The following MAMDC2 variants were observed in gnomAD, a reference collection of about 807,000 sequenced individuals.
MAMDC2 encodes the protein MAM domain containing 2, also known as MAM domain-containing protein 2.
Under a neutral mutation model 89.8 loss-of-function variants are expected in MAMDC2, and 57 were observed. The ratio of observed to expected loss-of-function variants is 0.63; its 90% CI spans 0.51 to 0.79. The LOEUF is 0.79. Ranked by LOEUF, MAMDC2 falls within the 30% of genes least tolerant of loss-of-function variation. MAMDC2 has a pLI of 0.00. For missense variants in MAMDC2, 800 were observed against 820.6 expected (o/e 0.97, Z 0.31); for synonymous variants, 313 against 293.4 (o/e 1.07, Z -0.68).
At chr9:70,157,535 T>TGAGTCC (rs1554676691) in intron 9 of MAMDC2, 1 of 152,658 alleles carries the variant, frequency 6.6e-6, no homozygotes, top group Non-Finnish European at 1.5e-5. Flanking sequence ...CTCTCTCCAG[T>TGAGTCC]GAGTCCACAA....
At chr9:70,211,047 C>T (rs2033344960) in intron 11 of MAMDC2, among the ~76,000 whole-genome samples, 2 of 152,174 alleles carry the variant, frequency 1.3e-5, no homozygotes, top group South Asian at 4.1e-4. Flanking sequence ...ACCTTTCTGG[C>T]TGCCCTTAAC....
intron 9 of MAMDC2, among the ~76,000 whole-genome samples, chr9:70,164,987 G>A (rs190506363): frequency 4.5e-4 from 28 of 62,660 alleles, no homozygotes; most frequent in African/African-American, 1.3e-3. Flanking sequence ...ATTTAAGAGG[G>A]TATGGTACCC....
At chr9:70,219,510 T>C (rs1302575224) in intron 12 of MAMDC2, among the ~76,000 whole-genome samples, 1 of 152,208 alleles carries the variant, frequency 6.6e-6, no homozygotes, top group Non-Finnish European at 1.5e-5. Context: ...GGAAGGGATA[T>C]CCAAATTAAG....
At chr9:70,075,552 A>C (rs1827511714) in intron 2 of MAMDC2, among the ~76,000 whole-genome samples, 1 of 152,192 alleles carries the variant, frequency 6.6e-6, no homozygotes, top group South Asian at 2.1e-4. Context: ...TCCTGGGTTG[A>C]GGATTGTGTG....
At chr9:70,179,633 A>C (rs1336240152) in intron 11 of MAMDC2, among the ~76,000 whole-genome samples, 5 of 151,214 alleles carry the variant, frequency 3.3e-5, no homozygotes, top group East Asian at 1.9e-4. Flanking sequence ...AAAAAAAAAA[A>C]AACAAAAGCT....
At chr9:70,116,843 G>A (rs1001953934) in intron 5 of MAMDC2, among the ~76,000 whole-genome samples, 1 of 152,138 alleles carries the variant, frequency 6.6e-6, no homozygotes, top group Non-Finnish European at 1.5e-5. Flanking sequence ...CTGGTAGGGT[G>A]CTGTCACCCC....
chr9:70,160,211 C>T (rs544553828), intron 9 of MAMDC2, among the ~76,000 whole-genome samples: 18 of 151,452 alleles, frequency 1.2e-4, no homozygotes, highest in Non-Finnish European at 2.7e-4. Context: ...GACCCTGTCT[C>T]CAGAAAAAAA....
In MAMDC2 at chr9:70,085,037, A is replaced by G. The variant is rs1488912817; in HGVS notation, c.149-23174A>G. 2.6e-5 allele frequency among the ~76,000 whole-genome samples: 4 copies of G among 152,130 alleles called. No individual in the cohort carries two copies. In the East Asian group the frequency reaches 5.8e-4, roughly 22 times the overall value. ...ATCACACTTCCTTTAATCTGTAAAT[A>G]TAAGTACCCAAAATAGACAATAAGA... On this transcript the variant is annotated intron_variant, in intron 2 of 13. Transcript: ENST00000377182.
Position 70,130,807 on chromosome 9 carries a change from CA to C in MAMDC2, c.901-703del, listed in dbSNP as rs892994087. Among the ~76,000 whole-genome samples, 7 of 149,088 alleles carry C rather than the reference CA, an allele frequency of 4.7e-5. No individual in the cohort carries two copies. In the East Asian group the frequency reaches 6.1e-4, roughly 13 times the overall value. ...AACAAAACAAAACAAAACAAAAAAA[CA>C]AAAAAAAACCTGGCCTACTTTCTTA... On this transcript the variant is annotated intron_variant, in intron 6 of 13. Transcript: ENST00000377182.
intron 9 of MAMDC2, among the ~76,000 whole-genome samples, chr9:70,159,566 T>A (rs1474861835): frequency 1.3e-5 from 2 of 152,212 alleles, no homozygotes; most frequent in African/African-American, 4.8e-5. Context: ...GCTGTCTTCT[T>A]CAGGCCCAGG....
At chr9:70,155,451 C>A (rs1360885699) in intron 9 of MAMDC2, among the ~76,000 whole-genome samples, 2 of 152,210 alleles carry the variant, frequency 1.3e-5, no homozygotes, top group African/African-American at 4.8e-5. Flanking sequence ...CAAAACCAAC[C>A]TGCCCATCTA....
At chr9:70,178,049 C>T (rs1184070481) in intron 11 of MAMDC2, among the ~76,000 whole-genome samples, 1 of 152,144 alleles carries the variant, frequency 6.6e-6, no homozygotes, top group African/African-American at 2.4e-5. Context: ...TATTATGTAT[C>T]CTACACCCCA....
At chr9:70,064,121 T>A (rs1288229587) in intron 2 of MAMDC2, among the ~76,000 whole-genome samples, 1 of 151,668 alleles carries the variant, frequency 6.6e-6, no homozygotes, top group East Asian at 1.9e-4. Context: ...AAAAATGATG[T>A]ATATATATAT....
intron 7 of MAMDC2, among the ~76,000 whole-genome samples, chr9:70,131,934 G>A (rs2030823378): frequency 6.6e-6 from 1 of 152,266 alleles, no homozygotes; most frequent in Non-Finnish European, 1.5e-5. Flanking sequence ...GATATCTTGG[G>A]CCCATAAATG....
At chr9:70,143,091 C>T (rs1239812673) in intron 8 of MAMDC2, among the ~76,000 whole-genome samples, 2 of 152,156 alleles carry the variant, frequency 1.3e-5, no homozygotes, top group Non-Finnish European at 2.9e-5. Flanking sequence ...CACAAACTTC[C>T]ACAAAGACTG....
chr9:70,207,449 A>G (rs149969952), intron 11 of MAMDC2, among the ~76,000 whole-genome samples: 1,875 of 152,274 alleles, frequency 0.012, 21 homozygotes, highest in Non-Finnish European at 0.019. Flanking sequence ...GTCCGTTCAT[A>G]TCCTTTGCCC....
At chr9:70,084,462 C>T (rs1289409261) in intron 2 of MAMDC2, among the ~76,000 whole-genome samples, 1 of 152,060 alleles carries the variant, frequency 6.6e-6, no homozygotes, top group Admixed American at 6.6e-5. Flanking sequence ...GCTGGTTCCA[C>T]GTCATCATGC....
intron 12 of MAMDC2, among the ~76,000 whole-genome samples, chr9:70,219,990 G>A (rs2182738): frequency 0.86 from 130,418 of 152,216 alleles, 56,110 homozygotes; most frequent in East Asian, 0.96. Flanking sequence ...ACTTTAAAAC[G>A]AATGAATCAG....
At chr9:70,223,347 T>C (rs1230809678) in intron 12 of MAMDC2, among the ~76,000 whole-genome samples, 3 of 152,214 alleles carry the variant, frequency 2.0e-5, no homozygotes, top group Non-Finnish European at 4.4e-5. Flanking sequence ...AGATTTTATC[T>C]AATTATTAAC....
Sources: allele counts gnomAD v4.1 joint callset (sites outside exome capture counted in the v4.1 genomes callset), GRCh38; gene constraint gnomAD v4.1.1; transcripts MANE v1.5; gene names NCBI Gene and HGNC (gene_info 2026-07-23, HGNC 2026-07-21).